The following NRIP1 variants were observed in gnomAD, a reference collection of about 807,000 sequenced individuals.
NRIP1 encodes the protein nuclear receptor interacting protein 1, also known as nuclear receptor-interacting protein 1.
NRIP1 carries 28 observed loss-of-function variants against 75.0 expected under a neutral mutation model. That is an observed-to-expected ratio of 0.37 (90% CI 0.28 to 0.51). The LOEUF is 0.51. Ranked by LOEUF, NRIP1 falls within the 20% of genes least tolerant of loss-of-function variation. The pLI is 0.92. For missense variants in NRIP1, 1,435 were observed against 1,343.7 expected (o/e 1.07, Z -1.06); for synonymous variants, 526 against 487.6 (o/e 1.08, Z -1.04).
chr21:15,049,749 T>C (rs181957309), intron 1 of NRIP1, among the ~76,000 whole-genome samples: 3 of 152,194 alleles, frequency 2.0e-5, no homozygotes, highest in Admixed American at 1.3e-4. Context: ...TTTTGCAACT[T>C]ACAAATGATT....
At chr21:15,052,350 A>C (rs1314237964) in intron 1 of NRIP1, 1 of 152,182 alleles carries the variant, frequency 6.6e-6, no homozygotes, top group Non-Finnish European at 1.5e-5. Flanking sequence ...CATCCTCTAG[A>C]ATATGCTATG....
At chr21:14,996,806 G>A (rs993283864) in intron 3 of NRIP1, among the ~76,000 whole-genome samples, 1 of 151,484 alleles carries the variant, frequency 6.6e-6, no homozygotes, top group Non-Finnish European at 1.5e-5. Flanking sequence ...AGAAACAACT[G>A]GGAGCATAAT....
chr21:14,989,107 AT>A (rs2147061771), intron 3 of NRIP1, among the ~76,000 whole-genome samples: 1 of 152,262 alleles, frequency 6.6e-6, no homozygotes, highest in East Asian at 1.9e-4. Context: ...GTTCCCTGTA[AT>A]CACACCACCC....
intron 2 of NRIP1, among the ~76,000 whole-genome samples, chr21:15,027,339 C>T (rs1024406794): frequency 6.6e-6 from 1 of 152,042 alleles, no homozygotes; most frequent in African/African-American, 2.4e-5. Context: ...CTGTTTATAC[C>T]AAGGGTTACT....
chr21:15,056,302 A>G (rs1568737038), intron 1 of NRIP1, among the ~76,000 whole-genome samples: 1 of 152,030 alleles, frequency 6.6e-6, no homozygotes, highest in Non-Finnish European at 1.5e-5. Context: ...AAAAAAAAAA[A>G]AAAAAGAAAA....
In NRIP1 at chr21:15,001,209, T is replaced by C. The variant is rs571962440; in HGVS notation, c.-335+13135A>G. On this transcript the variant is annotated intron_variant, in intron 3 of 3. Transcript: ENST00000318948. ...AAACAACTTTCATTTCATCAGTGTA[T>C]TAGTATGAGGTATTTTGCTTCCTCT... Among the ~76,000 whole-genome samples, 4 of 152,274 alleles carry C rather than the reference T, an allele frequency of 2.6e-5. No homozygotes were observed. In the South Asian group the frequency reaches 6.2e-4, roughly 24 times the overall value.
chr21:15,020,625 A>C (rs923711272), intron 2 of NRIP1, among the ~76,000 whole-genome samples: 1 of 152,212 alleles, frequency 6.6e-6, no homozygotes, highest in Non-Finnish European at 1.5e-5. Context: ...ACAGAATGGA[A>C]GAAAATATAT....
chr21:15,004,370 A>G (rs1295928037), intron 3 of NRIP1, among the ~76,000 whole-genome samples: 1 of 152,216 alleles, frequency 6.6e-6, no homozygotes, highest in East Asian at 1.9e-4. Flanking sequence ...TTTTGTGGAT[A>G]AAAAAATAAC....
At chr21:15,039,796 G>C (rs879411673) in intron 2 of NRIP1, among the ~76,000 whole-genome samples, 1 of 152,038 alleles carries the variant, frequency 6.6e-6, no homozygotes, top group Non-Finnish European at 1.5e-5. Flanking sequence ...TGGAAGATAT[G>C]AATCTACTGT....
At chr21:15,003,174 G>A (rs2087888070) in intron 3 of NRIP1, among the ~76,000 whole-genome samples, 1 of 152,074 alleles carries the variant, frequency 6.6e-6, no homozygotes, top group South Asian at 2.1e-4. Flanking sequence ...AACATACATT[G>A]CCACATTTTA....
At chr21:14,993,534 T>C (rs965566282) in intron 3 of NRIP1, among the ~76,000 whole-genome samples, 10 of 152,196 alleles carry the variant, frequency 6.6e-5, no homozygotes, top group African/African-American at 2.4e-4. Context: ...GTTTAACATG[T>C]ATAACAATGT....
At position 14,962,582 on chromosome 21, in the gene NRIP1, G is replaced by A. The variant is rs993889602; in HGVS notation, c.*2134C>T. The stretch of plus-strand genomic sequence containing the variant: ...TCTAAGGCTCCAAACCTTCCACAAC[G>A]ATCAAGAAAAATGACTTGTTTAAAA... On this transcript the variant is annotated 3_prime_UTR_variant, in exon 4 of 4. Coordinates refer to ENST00000318948, the MANE Select transcript of NRIP1 (RefSeq NM_003489.4). The A allele has an allele frequency of 3.3e-5, 5 of 152,228 alleles. No homozygotes were observed. In the South Asian group the frequency reaches 6.2e-4, roughly 19 times the overall value. The allele number at this position is 152,228 out of a possible 1,614,324, so 9.4% of individuals were successfully genotyped here.
In NRIP1 at chr21:15,014,395, G is replaced by A; in HGVS notation, c.-386C>T. The A allele has an allele frequency of 5.0e-6, 2 of 398,314 alleles. No homozygotes were observed. Among genetic ancestry groups the A allele is most frequent in the South Asian group, 1.3e-4 (1 of 7,854 alleles). The allele number at this position is 398,314 out of a possible 1,614,324, so 24.7% of individuals were successfully genotyped here. A position where few individuals can be genotyped will look rare whatever the true frequency, so the allele number is the denominator to read the frequency against. The stretch of plus-strand genomic sequence containing the variant: ...GCTTTCTGAGAAAGAAAATTGAGAA[G>A]GCTGTTGAAAAGTAGCTCTGATGTC... On this transcript the variant is annotated 5_prime_UTR_variant, in exon 3 of 4. Coordinates refer to ENST00000318948, the MANE Select transcript of NRIP1 (RefSeq NM_003489.4).
rs2146895307 is a variant in NRIP1, at chr21:14,961,994, C to T, written c.*2722G>A. On this transcript the variant is annotated 3_prime_UTR_variant, in exon 4 of 4. Transcript: ENST00000318948. The stretch of plus-strand genomic sequence containing the variant: ...ATTTTAACATCTTCATGTAACAAGT[C>T]AATATATATATATATACATATTATA... The T allele has an allele frequency of 8.1e-6, 1 of 124,206 alleles. No homozygotes were observed. Among genetic ancestry groups the T allele is most frequent in the African/African-American group, 3.2e-5 (1 of 31,344 alleles). The allele number at this position is 124,206 out of a possible 1,614,324, so 7.7% of individuals were successfully genotyped here.
At chr21:15,002,658 C>T (rs370878129) in intron 3 of NRIP1, among the ~76,000 whole-genome samples, 7 of 152,174 alleles carry the variant, frequency 4.6e-5, no homozygotes, top group African/African-American at 1.4e-4. Flanking sequence ...TTTCCAGAAA[C>T]GAGAATCATG....
At position 14,962,064 on chromosome 21, in the gene NRIP1, TTACTC is replaced by T. The variant is rs1237565573; in HGVS notation, c.*2647_*2651del. ...ATATAAAATATATACTCTCACCAGTTTACTCTTCTGTAAGATGCAGCAGAGAATAA... is the reference window on the plus strand; with the variant it reads ...ATATAAAATATATACTCTCACCAGTTTTCTGTAAGATGCAGCAGAGAATAA... On this transcript the variant is annotated 3_prime_UTR_variant, in exon 4 of 4. Transcript: ENST00000318948. 2 of 147,870 alleles carry T rather than the reference TTACTC, an allele frequency of 1.4e-5. No homozygotes were observed. Among genetic ancestry groups the T allele is most frequent in the Admixed American group, 6.8e-5 (1 of 14,746 alleles). 9.2% of individuals were successfully genotyped at this position (147,870 alleles called of 1,614,324 possible).
chr21:14,985,861 TTTG>T (rs1355951480), intron 3 of NRIP1, among the ~76,000 whole-genome samples: 4 of 152,304 alleles, frequency 2.6e-5, no homozygotes, highest in Admixed American at 1.3e-4. Context: ...AAAATACTAC[TTTG>T]TTACATTTTC....
intron 1 of NRIP1, among the ~76,000 whole-genome samples, chr21:15,054,908 T>TA (rs1451550252): frequency 1.3e-5 from 2 of 152,200 alleles, no homozygotes; most frequent in Non-Finnish European, 2.9e-5. Context: ...CTGATCTTGT[T>TA]AGAGGCTTGG....
chr21:14,972,005 C>T (rs1418044808), intron 3 of NRIP1, among the ~76,000 whole-genome samples: 2 of 152,092 alleles, frequency 1.3e-5, no homozygotes, highest in Non-Finnish European at 2.9e-5. Flanking sequence ...CTTATGGAGA[C>T]CTGTTTTTTA....
Sources: gnomAD v4.1 joint callset for allele counts (sites outside exome capture counted in the v4.1 genomes callset) on GRCh38, gnomAD v4.1.1 for gene constraint, MANE v1.5 for transcripts, NCBI Gene and HGNC (gene_info 2026-07-23, HGNC 2026-07-21) for gene names.